ZNF76: variants seen among roughly 807,000 people sequenced by gnomAD.
ZNF76 encodes zinc finger protein 76.
ZNF76 carries 66 observed loss-of-function variants against 66.9 expected under a neutral mutation model. The ratio of observed to expected loss-of-function variants is 0.99; its 90% CI spans 0.81 to 1.21. The LOEUF is 1.21. Among genes scored for constraint, ZNF76 ranks in the 50% most tolerant of loss-of-function variants. The pLI, the probability that ZNF76 is intolerant of heterozygous loss-of-function variation, is 0.00. For synonymous variants in ZNF76, 275 were observed against 296.1 expected (o/e 0.93, Z 0.73); for missense variants, 729 against 760.3 (o/e 0.96, Z 0.48).
chr6:35,290,465 G>T, intron 6 of ZNF76, 83 bp downstream of exon 6: 1 of 1,584,086 alleles, frequency 6.3e-7, no homozygotes, highest in African/African-American at 1.3e-5. Flanking sequence ...GATTGGAATT[G>T]GTCCCTGCCC....
At position 35,291,582 on chromosome 6, in the gene ZNF76, T is replaced by C; in HGVS notation, c.776T>C (p.Phe259Ser). 1 of 1,613,984 alleles carries C rather than the reference T, an allele frequency of 6.2e-7. No homozygotes were observed. Among genetic ancestry groups the C allele is most frequent in the Non-Finnish European group, 8.5e-7 (1 of 1,179,870 alleles). The change falls in exon 9 of 14, where the codon TTT becomes TCT. Residue 259 changes from phenylalanine to serine, a missense_variant. By Grantham distance (155) the Phe-to-Ser change is radical. Coordinates refer to ENST00000373953, the MANE Select transcript of ZNF76 (RefSeq NM_003427.5). ...GGTGAACGCCCGTTCCAGTGCCCTT[T>C]TGAGGGCTGTGGCCGCTCCTTCACC... ...HTGERPFQCP[F>S]EGCGRSFTTS...
intron 1 of ZNF76, among the ~76,000 whole-genome samples, chr6:35,266,797 C>CTTTTTTTTT (rs57833954): frequency 2.7e-3 from 249 of 93,284 alleles, no homozygotes; most frequent in Middle Eastern, 0.01. Context: ...TTGTCTATTT[C>CTTTTTTTTT]TTTTTTTTTT....
chr6:35,264,299 G>T (rs888456337), intron 1 of ZNF76, among the ~76,000 whole-genome samples: 3 of 152,180 alleles, frequency 2.0e-5, no homozygotes, highest in South Asian at 2.1e-4. Flanking sequence ...TTGCTCGGGT[G>T]GGGGAATGGG....
intron 1 of ZNF76, among the ~76,000 whole-genome samples, chr6:35,272,735 C>T (rs1001509012): frequency 1.3e-5 from 2 of 152,204 alleles, no homozygotes; most frequent in Non-Finnish European, 2.9e-5. Context: ...ACTTCCTGGG[C>T]TTGAATGTTC....
chr6:35,266,526 G>A (rs1160795753), intron 1 of ZNF76, among the ~76,000 whole-genome samples: 1 of 152,168 alleles, frequency 6.6e-6, no homozygotes, highest in South Asian at 2.1e-4. Flanking sequence ...TGTCAAGTTC[G>A]AAGTGTTTTT....
chr6:35,286,215 G>A lies in ZNF76; in HGVS notation c.154+7G>A. Reference sequence around the variant, plus strand: ...CAGGTGACGGTACAGAAAGGTGAGGGCACCCCAACACACCATGCCTTGTCG... The same window carrying A: ...CAGGTGACGGTACAGAAAGGTGAGGACACCCCAACACACCATGCCTTGTCG... On this transcript the variant is annotated splice_region_variant and intron_variant, in intron 3 of 13. Coordinates refer to ENST00000373953, the MANE Select transcript of ZNF76 (RefSeq NM_003427.5). 1.2e-6 allele frequency: 2 copies of A among 1,614,076 alleles called. No individual in the cohort carries two copies. Among genetic ancestry groups the A allele is most frequent in the Non-Finnish European group, 1.7e-6 (2 of 1,179,966 alleles).
chr6:35,292,036 G>T lies in ZNF76; in HGVS notation c.931+299G>T, dbSNP rs779082953. On this transcript the variant is annotated intron_variant, in intron 9 of 13. Transcript: ENST00000373953. The surrounding 1 kb of genome is among the most constrained non-coding windows in gnomAD (Gnocchi z 4.7). ...ACTCTGACTGAACTCTTGAAAAGAG[G>T]CCAGGGTCAGGAATGATGGGGAAGA... The T allele has an allele frequency of 2.0e-6, 1 of 504,046 alleles. No homozygotes were observed. The highest frequency in any genetic ancestry group is 3.6e-6 in the Non-Finnish European group (1 of 275,750). The allele number at this position is 504,046 out of a possible 1,614,324, so 31.2% of individuals were successfully genotyped here.
intron 1 of ZNF76, among the ~76,000 whole-genome samples, chr6:35,263,831 A>G (rs1385742262): frequency 1.3e-5 from 2 of 151,876 alleles, no homozygotes; most frequent in African/African-American, 2.4e-5. Flanking sequence ...GCTCACTGCA[A>G]CCTCCTCCTC....
At position 35,292,771 on chromosome 6, in the gene ZNF76, G is replaced by T; in HGVS notation, c.1149G>T (p.Glu383Asp). 1 of 1,613,858 alleles carries T rather than the reference G, an allele frequency of 6.2e-7. No homozygotes were observed. Among genetic ancestry groups the T allele is most frequent in the Non-Finnish European group, 8.5e-7 (1 of 1,179,816 alleles). ...ATEESEQALY[E>D]QQQLEAASAA... ...AGGAGAGCGAGCAGGCCCTCTATGA[G>T]CAGCAGCAACTTGAGGGTAAGGGGA... Residue 383 changes from glutamate (E) to aspartate (D), a missense_variant, in exon 10 of 14, where the codon GAG becomes GAT. Glu to Asp is a conservative substitution (Grantham distance 45). Coordinates refer to ENST00000373953, the MANE Select transcript of ZNF76 (RefSeq NM_003427.5). This position sits in a 1 kb window ranked among gnomAD's most constrained non-coding sequence, Gnocchi z 4.7.
At chr6:35,265,578 T>G (rs1168298107) in intron 1 of ZNF76, among the ~76,000 whole-genome samples, 2 of 147,542 alleles carry the variant, frequency 1.4e-5, no homozygotes, top group Admixed American at 1.3e-4. Flanking sequence ...TTAAATAGGG[T>G]AGTTGAAGAG....
intron 12 of ZNF76, 57 bp from the exon 13 acceptor site, chr6:35,294,399 T>G: frequency 2.6e-6 from 3 of 1,163,086 alleles, no homozygotes; most frequent in African/African-American, 1.5e-5. Context: ...TTTATTTGGA[T>G]TGTGGGGAGG....
At chr6:35,290,613 T>C (rs1790241235) in intron 6 of ZNF76, 28 bp from the exon 7 acceptor site, 1 of 1,613,510 alleles carries the variant, frequency 6.2e-7, no homozygotes, top group Non-Finnish European at 8.5e-7. Context: ...CTTGCTCCTC[T>C]GAATTATGTG....
rs774718427 is a variant in ZNF76, at chr6:35,291,704, A to G, written c.898A>G (p.Thr300Ala). The change falls in exon 9 of 14, where the codon ACC becomes GCC. Residue 300 changes from threonine to alanine, a missense_variant. By Grantham distance (58) the Thr-to-Ala change is moderately conservative. Coordinates refer to ENST00000373953, the MANE Select transcript of ZNF76 (RefSeq NM_003427.5). ...PHCGRGFTSA[T>A]NYKNHVRIHT... Reference sequence around the variant, plus strand: ...CTGTGGCCGCGGCTTCACCAGCGCCACCAACTATAAGAATCACGTGCGCAT... The same window carrying G: ...CTGTGGCCGCGGCTTCACCAGCGCCGCCAACTATAAGAATCACGTGCGCAT... 6.8e-6 allele frequency: 11 copies of G among 1,612,032 alleles called. No individual in the cohort carries two copies. The highest frequency in any genetic ancestry group is 9.3e-6 in the Non-Finnish European group (11 of 1,180,002).
At chr6:35,294,196 A>G (rs1790852867) in intron 12 of ZNF76, 2 of 582,478 alleles carry the variant, frequency 3.4e-6, no homozygotes, top group Non-Finnish European at 6.1e-6. Context: ...TTTTCAAGTG[A>G]GGGGATTAAA....
chr6:35,276,174 ATATT>A (rs1787865726), intron 1 of ZNF76, among the ~76,000 whole-genome samples: 1 of 152,244 alleles, frequency 6.6e-6, no homozygotes, highest in Non-Finnish European at 1.5e-5. Flanking sequence ...TGGCTGGTAT[ATATT>A]AATCACATTT....
intron 1 of ZNF76, among the ~76,000 whole-genome samples, chr6:35,260,462 C>T (rs569603117): frequency 6.6e-6 from 1 of 152,288 alleles, no homozygotes; most frequent in South Asian, 2.1e-4. Context: ...CCACGTCTGC[C>T]TTTATCCTAA....
In ZNF76 at chr6:35,292,522, T is replaced by C. The variant is rs1165656185; in HGVS notation, c.932-32T>C. ...TTAGTTTCCCCCTTGCCAGCCCCAG[T>C]TCCCACCCCCCTCACAGCCCAGTGT... On this transcript the variant is annotated intron_variant, in intron 9 of 13. Transcript: ENST00000373953. The surrounding 1 kb of genome is among the most constrained non-coding windows in gnomAD (Gnocchi z 4.7). 6.8e-6 allele frequency: 11 copies of C among 1,608,878 alleles called. No individual in the cohort carries two copies. The highest frequency in any genetic ancestry group is 1.3e-5 in the African/African-American group (1 of 74,692).
intron 1 of ZNF76, among the ~76,000 whole-genome samples, chr6:35,265,213 G>A (rs1468890139): frequency 6.6e-6 from 1 of 151,860 alleles, no homozygotes; most frequent in Non-Finnish European, 1.5e-5. Context: ...GAGATAGAAA[G>A]TGCCAGGAGT....
intron 1 of ZNF76, among the ~76,000 whole-genome samples, chr6:35,280,128 G>A (rs916362662): frequency 2.6e-5 from 4 of 151,990 alleles, no homozygotes; most frequent in African/African-American, 9.7e-5. Context: ...ACTACACCCC[G>A]CCCATATTTG....
Sources: allele counts gnomAD v4.1 joint callset (sites outside exome capture counted in the v4.1 genomes callset), GRCh38; gene constraint gnomAD v4.1.1; non-coding constraint Gnocchi (gnomAD v3.1); transcripts MANE v1.5; gene names NCBI Gene and HGNC (gene_info 2026-07-23, HGNC 2026-07-21).